CCSER1: variants seen among roughly 807,000 people sequenced by gnomAD.
CCSER1 encodes serine-rich coiled-coil domain-containing protein 1.
Under a neutral mutation model 82.0 loss-of-function variants are expected in CCSER1, and 41 were observed. The observed-to-expected ratio is 0.50, with a 90% CI of 0.39 to 0.65. The LOEUF (loss-of-function observed/expected upper bound fraction) is 0.65, where lower values mean the gene tolerates loss of function less well. Ranked by LOEUF, CCSER1 falls within the 30% of genes least tolerant of loss-of-function variation. CCSER1 has a pLI of 0.00. For missense variants in CCSER1, 1,119 were observed against 1,064.2 expected (o/e 1.05, Z -0.72); for synonymous variants, 414 against 383.9 (o/e 1.08, Z -0.92).
At chr4:91,287,533 G>A (rs370610678) in intron 10 of CCSER1, among the ~76,000 whole-genome samples, 63 of 152,050 alleles carry the variant, frequency 4.1e-4, no homozygotes, top group African/African-American at 1.4e-3. Context: ...AACTTTTCCT[G>A]TAACTGTGTT....
At chr4:90,406,309 T>G (rs115062666) in intron 4 of CCSER1, among the ~76,000 whole-genome samples, 3,529 of 152,230 alleles carry the variant, frequency 0.023, 147 homozygotes, top group African/African-American at 0.081. Context: ...TAGGAAAATA[T>G]TGCAGTTCTA....
chr4:91,008,057 C>G (rs1027347647), intron 9 of CCSER1, among the ~76,000 whole-genome samples: 2 of 151,940 alleles, frequency 1.3e-5, no homozygotes, highest in Non-Finnish European at 2.9e-5. Flanking sequence ...CCTGCTTTTA[C>G]TGATTCTAGT....
intron 1 of CCSER1, among the ~76,000 whole-genome samples, chr4:90,144,585 A>C (rs1189318285): frequency 6.6e-6 from 1 of 152,216 alleles, no homozygotes; most frequent in Admixed American, 6.5e-5. Context: ...GTGAAAAAGT[A>C]GTGGAATATA....
At chr4:91,483,595 C>T (rs1049609715) in intron 10 of CCSER1, among the ~76,000 whole-genome samples, 3 of 151,982 alleles carry the variant, frequency 2.0e-5, no homozygotes, top group Non-Finnish European at 4.4e-5. Context: ...GCCACCATTC[C>T]CAGCTAATTT....
chr4:91,082,450 T>G (rs913961943), intron 9 of CCSER1, among the ~76,000 whole-genome samples: 1 of 151,920 alleles, frequency 6.6e-6, no homozygotes, highest in Admixed American at 6.6e-5. Context: ...CTAAAACCAT[T>G]AAAACCCTAG....
At chr4:91,201,882 G>GC (rs1164459127) in intron 10 of CCSER1, among the ~76,000 whole-genome samples, 1 of 151,928 alleles carries the variant, frequency 6.6e-6, no homozygotes, top group East Asian at 1.9e-4. Context: ...ACAATAAGGA[G>GC]CCAAATATGG....
intron 4 of CCSER1, among the ~76,000 whole-genome samples, chr4:90,459,094 G>A (rs923883027): frequency 1.3e-5 from 2 of 152,092 alleles, no homozygotes; most frequent in African/African-American, 4.8e-5. Flanking sequence ...TATATAGATA[G>A]TGTATGTGTG....
chr4:91,229,907 T>C (rs574886114), intron 10 of CCSER1, among the ~76,000 whole-genome samples: 84 of 152,136 alleles, frequency 5.5e-4, no homozygotes, highest in African/African-American at 2.0e-3. Flanking sequence ...GCCTAGATGA[T>C]TGGTTGACAG....
chr4:91,344,624 C>T (rs1314287717), intron 10 of CCSER1, among the ~76,000 whole-genome samples: 1 of 150,162 alleles, frequency 6.7e-6, no homozygotes, highest in East Asian at 1.9e-4. Flanking sequence ...GCTTTTTAAC[C>T]TCAAACTTTG....
chr4:90,491,750 C>G lies in CCSER1; in HGVS notation c.1724+23396C>G, dbSNP rs185741030. ...AAGTGTTGTTGAATTTTGTCAAAGGCCTTTTCTGCATCTATTGAGATAATC... is the reference window on the plus strand; with the variant it reads ...AAGTGTTGTTGAATTTTGTCAAAGGGCTTTTCTGCATCTATTGAGATAATC... On this transcript the variant is annotated intron_variant, in intron 5 of 10. Coordinates refer to ENST00000509176, the MANE Select transcript of CCSER1 (RefSeq NM_001145065.2). Among the ~76,000 whole-genome samples, 1,104 of 152,208 alleles carry G rather than the reference C, an allele frequency of 7.3e-3. 9 individuals are homozygous for G. The highest frequency in any genetic ancestry group is 0.022 in the South Asian group (106 of 4,808).
rs1234740787 is a variant in CCSER1, at chr4:90,933,066, GAAGAAAAGAAAGAAAGAA to G, written c.2172+9639_2172+9656del. Among the ~76,000 whole-genome samples, 4 of 107,534 alleles carry G rather than the reference GAAGAAAAGAAAGAAAGAA, an allele frequency of 3.7e-5. 1 individual carries two copies. The highest frequency in any genetic ancestry group is 4.7e-4 in the East Asian group (2 of 4,214). The allele number at this position is 107,534 out of a possible 152,430, so 70.5% of individuals were successfully genotyped here. ...AAAGAGAAGGAAGGAACGAAGGAAAGAAGAAAAGAAAGAAAGAAAAGAAAAGAAAGAAAGAAACAATGT... is the reference window on the plus strand; with the variant it reads ...AAAGAGAAGGAAGGAACGAAGGAAAGAAGAAAAGAAAGAAAGAAACAATGT... On this transcript the variant is annotated intron_variant, in intron 9 of 10. Transcript: ENST00000509176.
At chr4:91,209,686 G>C (rs548091807) in intron 10 of CCSER1, among the ~76,000 whole-genome samples, 2 of 151,846 alleles carry the variant, frequency 1.3e-5, no homozygotes, top group East Asian at 3.9e-4. Flanking sequence ...TCTTTGTTGT[G>C]TCTCTCCCAT....
intron 1 of CCSER1, among the ~76,000 whole-genome samples, chr4:90,229,747 G>C (rs898972196): frequency 3.9e-5 from 6 of 152,064 alleles, no homozygotes; most frequent in African/African-American, 1.4e-4. Flanking sequence ...AGAGACACAC[G>C]TAGGCTCAAA....
chr4:90,780,680 G>T (rs1170882633), intron 7 of CCSER1: 1 of 1,326,976 alleles, frequency 7.5e-7, no homozygotes, highest in Non-Finnish European at 9.6e-7. Context: ...AACTAAGGAG[G>T]CTCTGTAAGC....
At chr4:91,579,819 A>T (rs1002749750) in intron 10 of CCSER1, among the ~76,000 whole-genome samples, 47 of 151,890 alleles carry the variant, frequency 3.1e-4, no homozygotes, top group Admixed American at 1.3e-4. Context: ...CTCCAAAAGC[A>T]GTCTTTACTT....
intron 4 of CCSER1, among the ~76,000 whole-genome samples, chr4:90,407,150 A>C (rs191550028): frequency 6.6e-6 from 1 of 152,332 alleles, no homozygotes; most frequent in African/African-American, 2.4e-5. Context: ...AGAAAATCCA[A>C]ATAATCTCAA....
intron 10 of CCSER1, among the ~76,000 whole-genome samples, chr4:91,244,334 G>A (rs1236301408): frequency 6.6e-6 from 1 of 152,178 alleles, no homozygotes; most frequent in South Asian, 2.1e-4. Context: ...CAAGCCTGGG[G>A]GAACTTACTA....
chr4:91,589,572 CTCT>C (rs745935008), intron 10 of CCSER1, among the ~76,000 whole-genome samples: 2 of 84,078 alleles, frequency 2.4e-5, no homozygotes, highest in Non-Finnish European at 4.8e-5. Flanking sequence ...AGACAAGAGG[CTCT>C]TTTTTTTTTT....
intron 8 of CCSER1, among the ~76,000 whole-genome samples, chr4:90,915,822 G>T (rs1247412297): frequency 2.0e-5 from 3 of 152,052 alleles, no homozygotes; most frequent in African/African-American, 7.2e-5. Flanking sequence ...AAAGTCTCAG[G>T]ATACAAAATC....
Sources: gnomAD v4.1 joint callset for allele counts (sites outside exome capture counted in the v4.1 genomes callset) on GRCh38, gnomAD v4.1.1 for gene constraint, MANE v1.5 for transcripts, NCBI Gene and HGNC (gene_info 2026-07-23, HGNC 2026-07-21) for gene names.